The following ATP8A2 variants were observed in gnomAD, a reference collection of about 807,000 sequenced individuals.
ATP8A2 encodes the protein phospholipid-transporting ATPase IB.
Under a neutral mutation model 165.6 loss-of-function variants are expected in ATP8A2, and 100 were observed. The ratio of observed to expected loss-of-function variants is 0.60; its 90% CI spans 0.51 to 0.71. The LOEUF is 0.71. Ranked by LOEUF, ATP8A2 falls within the 30% of genes least tolerant of loss-of-function variation. The pLI, the probability that ATP8A2 is intolerant of heterozygous loss-of-function variation, is 0.00. For missense variants in ATP8A2, 1,227 were observed against 1,479.5 expected (o/e 0.83, Z 2.80); for synonymous variants, 543 against 548.8 (o/e 0.99, Z 0.15).
intron 27 of ATP8A2, among the ~76,000 whole-genome samples, chr13:25,811,529 C>T (rs912514460): frequency 6.6e-6 from 1 of 152,050 alleles, no homozygotes; most frequent in Non-Finnish European, 1.5e-5. Context: ...CTCTTCTATT[C>T]ATAAACCCTA....
chr13:25,635,072 C>G (rs1248765585), intron 24 of ATP8A2, among the ~76,000 whole-genome samples: 1 of 152,144 alleles, frequency 6.6e-6, no homozygotes, highest in Non-Finnish European at 1.5e-5. Flanking sequence ...AGTGTCAGCA[C>G]CATGAGTTAG....
rs574506638 is a variant in ATP8A2, at chr13:25,710,673, C to T, written c.2384+11328C>T. Among the ~76,000 whole-genome samples, 13 of 152,240 alleles carry T rather than the reference C, an allele frequency of 8.5e-5. No homozygotes were observed. The East Asian group carries it at 2.1e-3, about 25-fold the overall frequency. On this transcript the variant is annotated intron_variant, in intron 25 of 36. Coordinates refer to ENST00000381655, the MANE Select transcript of ATP8A2 (RefSeq NM_016529.6). Reference sequence around the variant, plus strand: ...AAGGTTGTTGGGTGAACACAAATGGCACAACCTTTGCCTGCCTAGAGGGCT... The same window carrying T: ...AAGGTTGTTGGGTGAACACAAATGGTACAACCTTTGCCTGCCTAGAGGGCT...
intron 19 of ATP8A2, among the ~76,000 whole-genome samples, chr13:25,575,975 G>T (rs551466050): frequency 2.0e-5 from 3 of 152,254 alleles, no homozygotes; most frequent in Non-Finnish European, 2.9e-5. Flanking sequence ...GAATAAGAAA[G>T]AACAGAAAGA....
chr13:25,933,273 T>C (rs1377572380), intron 33 of ATP8A2, among the ~76,000 whole-genome samples: 1 of 152,200 alleles, frequency 6.6e-6, no homozygotes, highest in Non-Finnish European at 1.5e-5. Flanking sequence ...TTGGCGGGGA[T>C]GTTCTTGGAT....
At chr13:25,595,647 C>G (rs1030527780) in intron 24 of ATP8A2, among the ~76,000 whole-genome samples, 10 of 152,170 alleles carry the variant, frequency 6.6e-5, no homozygotes, top group African/African-American at 2.4e-4. Flanking sequence ...ACAGAATCTG[C>G]AGATTCCCTC....
At chr13:26,019,796 G>A (rs1425784310) in intron 36 of ATP8A2, 92 bp from the exon 37 acceptor site, 21 of 836,894 alleles carry the variant, frequency 2.5e-5, no homozygotes, top group East Asian at 2.5e-4. Context: ...GCACTCACCC[G>A]CACGCTGCCA....
intron 1 of ATP8A2, among the ~76,000 whole-genome samples, chr13:25,415,481 G>T (rs552314671): frequency 6.6e-6 from 1 of 152,188 alleles, no homozygotes; most frequent in Non-Finnish European, 1.5e-5. Flanking sequence ...ACAGCAGATT[G>T]AGCCTTTGAA....
chr13:25,530,382 T>TA (rs1296975297), intron 3 of ATP8A2, among the ~76,000 whole-genome samples, 180 bp from the exon 4 acceptor site: 23 of 152,216 alleles, frequency 1.5e-4, no homozygotes, highest in African/African-American at 5.5e-4. Flanking sequence ...CAATGTTGGA[T>TA]AAAATTTTTA....
At chr13:25,806,335 T>C (rs1950740224) in intron 27 of ATP8A2, among the ~76,000 whole-genome samples, 1 of 151,832 alleles carries the variant, frequency 6.6e-6, no homozygotes, top group Non-Finnish European at 1.5e-5. Context: ...GTGGGTGGAG[T>C]TTTTTGGCCC....
intron 24 of ATP8A2, among the ~76,000 whole-genome samples, chr13:25,613,238 G>C: frequency 6.6e-6 from 1 of 152,206 alleles, no homozygotes; most frequent in East Asian, 1.9e-4. Context: ...GCTTTAAGGA[G>C]GTTCTATTTT....
intron 33 of ATP8A2, among the ~76,000 whole-genome samples, chr13:25,914,806 G>A (rs952830410): frequency 2.6e-5 from 4 of 152,142 alleles, no homozygotes; most frequent in East Asian, 1.9e-4. Flanking sequence ...CTGTCTGCCC[G>A]CCTCAGCCAC....
intron 26 of ATP8A2, among the ~76,000 whole-genome samples, chr13:25,769,880 G>T (rs997369610): frequency 6.6e-6 from 1 of 152,184 alleles, no homozygotes; most frequent in Non-Finnish European, 1.5e-5. Context: ...CGCATGCCAG[G>T]GCTCCTGATG....
At chr13:25,548,048 AC>A (rs2038706720) in intron 10 of ATP8A2, among the ~76,000 whole-genome samples, 3 of 152,122 alleles carry the variant, frequency 2.0e-5, no homozygotes, top group African/African-American at 7.2e-5. Context: ...ACATGGTGAG[AC>A]CCCTGTCTCT....
At chr13:25,378,674 G>T (rs552192615) in intron 1 of ATP8A2, among the ~76,000 whole-genome samples, 1 of 152,174 alleles carries the variant, frequency 6.6e-6, no homozygotes, top group African/African-American at 2.4e-5. Context: ...TAGCTACAGG[G>T]TTCCAAAACT....
intron 27 of ATP8A2, among the ~76,000 whole-genome samples, chr13:25,827,229 A>AC (rs928085066): frequency 6.0e-5 from 9 of 149,466 alleles, no homozygotes; most frequent in Middle Eastern, 3.4e-3. Context: ...CCTGCCTCAG[A>AC]CCCCCCCGAG....
chr13:25,894,067 G>C (rs1953461231), intron 33 of ATP8A2, among the ~76,000 whole-genome samples: 1 of 152,294 alleles, frequency 6.6e-6, no homozygotes, highest in East Asian at 1.9e-4. Context: ...TTTGGCTTTT[G>C]TTACCATTGC....
At chr13:25,471,604 A>G (rs1330387504) in intron 2 of ATP8A2, among the ~76,000 whole-genome samples, 2 of 152,214 alleles carry the variant, frequency 1.3e-5, no homozygotes, top group African/African-American at 4.8e-5. Context: ...CAGCCTCCCA[A>G]AGTGCTGGAA....
intron 15 of ATP8A2, 98 bp downstream of exon 15, chr13:25,559,863 T>A: frequency 3.3e-6 from 3 of 912,792 alleles, no homozygotes; most frequent in Non-Finnish European, 5.2e-6. Context: ...AGCCTCACTC[T>A]ATTGCACAGG....
At chr13:25,598,950 C>T (rs1233479877) in intron 24 of ATP8A2, among the ~76,000 whole-genome samples, 1 of 152,134 alleles carries the variant, frequency 6.6e-6, no homozygotes, top group Non-Finnish European at 1.5e-5. Flanking sequence ...GTGCTGCTGC[C>T]TAAGACCCCA....
Sources: allele counts gnomAD v4.1 joint callset (sites outside exome capture counted in the v4.1 genomes callset), GRCh38; gene constraint gnomAD v4.1.1; transcripts MANE v1.5; gene names NCBI Gene and HGNC (gene_info 2026-07-23, HGNC 2026-07-21).